SGCZ: variants seen among roughly 807,000 people sequenced by gnomAD.
SGCZ encodes the protein sarcoglycan zeta, also known as zeta-sarcoglycan.
A neutral mutation model predicts 41.3 loss-of-function variants in SGCZ; 40 were observed. That is an observed-to-expected ratio of 0.97 (90% confidence interval 0.75 to 1.26). SGCZ has a LOEUF of 1.26. Ranked by LOEUF, SGCZ falls within the 50% of genes most tolerant of loss-of-function variation. The probability of loss-of-function intolerance (pLI) is 0.00; values close to 1 mark genes in which losing one functional copy is unlikely to be tolerated. For synonymous variants in SGCZ, 206 were observed against 137.5 expected, an observed-to-expected ratio of 1.50 and a Z score of -3.49; for missense variants, 552 against 369.8, an observed-to-expected ratio of 1.49 and a Z score of -4.04.
chr8:15,224,707 A>G (rs1222910756), intron 1 of SGCZ, among the ~76,000 whole-genome samples: 1 of 152,178 alleles, frequency 6.6e-6, no homozygotes, highest in Non-Finnish European at 1.5e-5. Context: ...CTGAATATAC[A>G]AAAAGGTTCA....
rs190275988 is a variant in SGCZ at position 14,566,043 on chromosome 8, T to C, written c.40-11117A>G. Among the ~76,000 whole-genome samples, 158 of 152,272 alleles carry C rather than the reference T, an allele frequency of 1.0e-3. 2 individuals carry two copies. The highest frequency in any genetic ancestry group is 3.6e-3 in the African/African-American group (149 of 41,554). ...GTTCTGCTTTGGGTTATCTCACTTA[T>C]GGAGATGAAAGGACAAATTCACAAT... On this transcript the variant is annotated intron_variant, in intron 1 of 7. Transcript: ENST00000382080.
intron 2 of SGCZ, among the ~76,000 whole-genome samples, chr8:14,424,369 G>T (rs542669297): frequency 6.6e-6 from 1 of 152,212 alleles, no homozygotes; most frequent in East Asian, 1.9e-4. Flanking sequence ...TTTCAAAGAG[G>T]TGATTCACAG....
intron 1 of SGCZ, among the ~76,000 whole-genome samples, chr8:15,131,833 T>C (rs916639893): frequency 3.3e-5 from 5 of 152,144 alleles, no homozygotes; most frequent in African/African-American, 1.2e-4. Context: ...AGAATAAATA[T>C]AGTTTTGGTG....
intron 1 of SGCZ, among the ~76,000 whole-genome samples, chr8:14,715,734 C>T (rs953845458): frequency 6.6e-6 from 1 of 152,016 alleles, no homozygotes; most frequent in African/African-American, 2.4e-5. Flanking sequence ...TTGTCAGTAC[C>T]AATAGAGATC....
intron 1 of SGCZ, among the ~76,000 whole-genome samples, chr8:14,653,651 T>C (rs895381627): frequency 6.6e-6 from 1 of 152,144 alleles, no homozygotes; most frequent in Non-Finnish European, 1.5e-5. Context: ...CCATGCTATC[T>C]TGATTCTTAG....
At chr8:14,462,111 C>T (rs945630332) in intron 2 of SGCZ, among the ~76,000 whole-genome samples, 1 of 151,930 alleles carries the variant, frequency 6.6e-6, no homozygotes, top group Admixed American at 6.6e-5. Context: ...ATAATTGACT[C>T]TTCTCATAGA....
chr8:14,731,338 G>C (rs527491846), intron 1 of SGCZ, among the ~76,000 whole-genome samples: 11 of 146,376 alleles, frequency 7.5e-5, no homozygotes, highest in Admixed American at 4.2e-4. Flanking sequence ...TGAACAATGA[G>C]AACATGTGGA....
chr8:15,005,456 C>T (rs1209373943), intron 1 of SGCZ, among the ~76,000 whole-genome samples: 3 of 151,810 alleles, frequency 2.0e-5, no homozygotes, highest in African/African-American at 7.3e-5. Context: ...CTCAGCCTCC[C>T]GAGTAGCTGC....
At chr8:14,547,354 T>A (rs1267818911) in intron 2 of SGCZ, among the ~76,000 whole-genome samples, 1 of 152,176 alleles carries the variant, frequency 6.6e-6, no homozygotes, top group African/African-American at 2.4e-5. Context: ...GTTTTCATAA[T>A]CTGCTTAGTG....
intron 1 of SGCZ, among the ~76,000 whole-genome samples, chr8:14,702,677 G>C (rs1809175896): frequency 6.6e-6 from 1 of 151,612 alleles, no homozygotes; most frequent in African/African-American, 2.4e-5. Context: ...TGGGGTCACT[G>C]ATGACTTTCT....
chr8:14,956,764 C>T (rs1289092582), intron 1 of SGCZ, among the ~76,000 whole-genome samples: 1 of 152,150 alleles, frequency 6.6e-6, no homozygotes, highest in Non-Finnish European at 1.5e-5. Flanking sequence ...TTTTTAAAAT[C>T]TATGCTCAGA....
At chr8:14,275,183 AC>A (rs1272698263) in intron 3 of SGCZ, among the ~76,000 whole-genome samples, 1 of 152,170 alleles carries the variant, frequency 6.6e-6, no homozygotes, top group African/African-American at 2.4e-5. Flanking sequence ...TAAGTAACCA[AC>A]ATCAAACTGC....
intron 2 of SGCZ, among the ~76,000 whole-genome samples, chr8:14,470,125 G>T (rs1287620426): frequency 6.6e-6 from 1 of 151,940 alleles, no homozygotes; most frequent in Non-Finnish European, 1.5e-5. Flanking sequence ...CTGTCTCCAG[G>T]TAGACAGCAT....
chr8:14,300,384 G>A (rs115903795), intron 3 of SGCZ, among the ~76,000 whole-genome samples: 1,660 of 151,464 alleles, frequency 0.011, 37 homozygotes, highest in African/African-American at 0.038. Context: ...GGGAGGAAGG[G>A]AATGAGGAAG....
intron 2 of SGCZ, among the ~76,000 whole-genome samples, chr8:14,477,025 C>T (rs1801381706): frequency 6.6e-6 from 1 of 152,114 alleles, no homozygotes; most frequent in South Asian, 2.1e-4. Flanking sequence ...TGAGGACTGC[C>T]TACTGGTTGC....
intron 1 of SGCZ, among the ~76,000 whole-genome samples, chr8:14,557,229 C>T (rs914548514): frequency 1.7e-4 from 26 of 148,784 alleles, no homozygotes; most frequent in African/African-American, 6.4e-4. Context: ...ATTTGTATAT[C>T]TTTTTTTTGA....
chr8:15,138,588 A>G (rs370504306), intron 1 of SGCZ, among the ~76,000 whole-genome samples: 1 of 152,254 alleles, frequency 6.6e-6, no homozygotes, highest in East Asian at 1.9e-4. Context: ...GTGTTTCACA[A>G]GATCTGGTGG....
chr8:14,240,046 T>C (rs544282977), intron 3 of SGCZ, among the ~76,000 whole-genome samples: 1 of 151,916 alleles, frequency 6.6e-6, no homozygotes, highest in Non-Finnish European at 1.5e-5. Flanking sequence ...GAAAGTTTAG[T>C]CCGGGCGTGG....
intron 2 of SGCZ, among the ~76,000 whole-genome samples, chr8:14,326,387 T>C (rs191672724): frequency 3.4e-4 from 51 of 152,166 alleles, no homozygotes; most frequent in East Asian, 1.9e-4. Flanking sequence ...AAATACGTTA[T>C]AGAAAAATTT....
Sources: gnomAD v4.1 joint callset for allele counts (sites outside exome capture counted in the v4.1 genomes callset) on GRCh38, gnomAD v4.1.1 for gene constraint, MANE v1.5 for transcripts, NCBI Gene and HGNC (gene_info 2026-07-23, HGNC 2026-07-21) for gene names.